The following PIP5K1B variants were observed in gnomAD, a reference collection of about 807,000 sequenced individuals.
PIP5K1B encodes the protein phosphatidylinositol 4-phosphate 5-kinase type-1 beta.
PIP5K1B carries 42 observed loss-of-function variants against 67.0 expected under a neutral mutation model. The ratio of observed to expected loss-of-function variants is 0.63; its 90% CI spans 0.49 to 0.81. The LOEUF (loss-of-function observed/expected upper bound fraction) is 0.81. Among genes scored for constraint, PIP5K1B ranks in the 30% least tolerant of loss-of-function variants. The probability of loss-of-function intolerance (pLI) is 0.00; values close to 1 mark genes in which losing one functional copy is unlikely to be tolerated. For missense variants in PIP5K1B, 459 were observed against 646.3 expected (o/e 0.71, Z 3.14); for synonymous variants, 214 against 231.4 (o/e 0.92, Z 0.68).
At chr9:68,890,063 C>A (rs1189727708) in intron 7 of PIP5K1B, among the ~76,000 whole-genome samples, 1 of 152,136 alleles carries the variant, frequency 6.6e-6, no homozygotes, top group Admixed American at 6.5e-5. Context: ...TGGAGAGCTG[C>A]AGAGCTGGGG....
intron 4 of PIP5K1B, among the ~76,000 whole-genome samples, chr9:68,851,123 A>G (rs774382329): frequency 1.3e-5 from 2 of 152,178 alleles, no homozygotes; most frequent in Non-Finnish European, 2.9e-5. Flanking sequence ...TTCCTTTCCA[A>G]TGAGGGAACA....
At position 68,862,054 on chromosome 9, in the gene PIP5K1B, A is replaced by C. The variant is rs145461136; in HGVS notation, c.70-1783A>C. 4.0e-3 allele frequency among the ~76,000 whole-genome samples: 616 copies of C among 152,336 alleles called. 1 individual carries two copies. Among genetic ancestry groups the C allele is most frequent in the Non-Finnish European group, 6.6e-3 (448 of 68,022 alleles). On this transcript the variant is annotated intron_variant, in intron 4 of 15. Transcript: ENST00000265382. ...CTCCTTAAGTGTCAAGGATGTAGAT[A>C]GTCGTCCTCACACTAAAGGTGACAT...
intron 6 of PIP5K1B, among the ~76,000 whole-genome samples, chr9:68,880,818 C>G (rs1036702409): frequency 3.9e-5 from 6 of 152,200 alleles, no homozygotes; most frequent in African/African-American, 1.4e-4. Context: ...ACAGCTGCTG[C>G]CACCCACCTG....
intron 2 of PIP5K1B, among the ~76,000 whole-genome samples, chr9:68,743,207 CTT>C (rs113151542): frequency 6.5e-5 from 9 of 137,576 alleles, no homozygotes; most frequent in East Asian, 2.1e-4. Flanking sequence ...AATACCAAAA[CTT>C]TTTTTTTTTT....
chr9:68,788,412 G>A, intron 2 of PIP5K1B: 1 of 611,326 alleles, frequency 1.6e-6, no homozygotes, highest in Non-Finnish European at 2.9e-6. Context: ...TCCAGAAATA[G>A]CCAGCTGCTG....
chr9:68,856,023 G>A (rs892955692), intron 4 of PIP5K1B, among the ~76,000 whole-genome samples: 9 of 152,126 alleles, frequency 5.9e-5, no homozygotes, highest in South Asian at 4.2e-4. Flanking sequence ...ACAAGGCTGC[G>A]TTCCTTCAGA....
In PIP5K1B at chr9:68,848,590, A is replaced by G. The variant is rs555782736; in HGVS notation, c.70-15247A>G. On this transcript the variant is annotated intron_variant, in intron 4 of 15. Transcript: ENST00000265382. ...AAAGGACTATTTTAAATTTTAAATG[A>G]AAAAGGCTAGAGAAGTGTAAAATTT... 3.9e-5 allele frequency among the ~76,000 whole-genome samples: 6 copies of G among 152,330 alleles called. No homozygotes were observed. In the East Asian group the frequency reaches 1.2e-3, roughly 29 times the overall value.
chr9:68,799,324 A>G (rs1385405501), intron 2 of PIP5K1B, among the ~76,000 whole-genome samples: 1 of 152,238 alleles, frequency 6.6e-6, no homozygotes, highest in Non-Finnish European at 1.5e-5. Flanking sequence ...GTTGTGCAAA[A>G]GAATGAAGTC....
chr9:68,798,345 A>G (rs1832407352), intron 2 of PIP5K1B, among the ~76,000 whole-genome samples: 1 of 152,174 alleles, frequency 6.6e-6, no homozygotes, highest in African/African-American at 2.4e-5. Flanking sequence ...ATTAACTTTC[A>G]CTCTAGTTCC....
At chr9:68,735,160 C>T (rs1001541180) in intron 1 of PIP5K1B, among the ~76,000 whole-genome samples, 3 of 152,006 alleles carry the variant, frequency 2.0e-5, no homozygotes, top group African/African-American at 7.2e-5. Context: ...AGATTTAGAG[C>T]ACTATTACAA....
At chr9:68,823,079 T>C (rs1305345044) in intron 4 of PIP5K1B, among the ~76,000 whole-genome samples, 2 of 152,176 alleles carry the variant, frequency 1.3e-5, no homozygotes, top group African/African-American at 2.4e-5. Flanking sequence ...TCTGACACTT[T>C]AAAGGGCCTG....
chr9:68,793,568 GT>G (rs1224155966), intron 2 of PIP5K1B, among the ~76,000 whole-genome samples: 2 of 152,258 alleles, frequency 1.3e-5, no homozygotes, highest in East Asian at 3.9e-4. Context: ...TAACTGAAAG[GT>G]TTGAGGCCTA....
intron 14 of PIP5K1B, among the ~76,000 whole-genome samples, chr9:68,959,128 G>T (rs2132731494): frequency 6.6e-6 from 1 of 152,224 alleles, no homozygotes; most frequent in East Asian, 1.9e-4. Flanking sequence ...TTTCTGCTTT[G>T]TGAATTCATT....
chr9:68,954,341 A>T (rs1021301133), intron 14 of PIP5K1B, among the ~76,000 whole-genome samples: 1 of 152,018 alleles, frequency 6.6e-6, no homozygotes, highest in African/African-American at 2.4e-5. Context: ...CGTGTCTGCA[A>T]AATTAGATGA....
intron 5 of PIP5K1B, among the ~76,000 whole-genome samples, chr9:68,873,125 A>C (rs930181345): frequency 6.6e-6 from 1 of 151,696 alleles, no homozygotes; most frequent in Non-Finnish European, 1.5e-5. Flanking sequence ...GCTACATCAC[A>C]GTCGTGGATT....
In PIP5K1B at chr9:68,805,007, G is replaced by A. The variant is rs186735366; in HGVS notation, c.-85-13454G>A. On this transcript the variant is annotated intron_variant, in intron 2 of 15. Coordinates refer to ENST00000265382, the MANE Select transcript of PIP5K1B (RefSeq NM_003558.4). ...CCTAACTGGTCCAGAATGCAAGTGC[G>A]TTGGCTGAGGGCTGTGAGGGCACAG... is the stretch of plus-strand genomic sequence containing the variant. 1.3e-4 allele frequency among the ~76,000 whole-genome samples: 20 copies of A among 152,332 alleles called. No homozygotes were observed. In the East Asian group the frequency reaches 1.9e-3, roughly 15 times the overall value.
intron 14 of PIP5K1B, chr9:68,963,226 C>T (rs1228506992): frequency 2.2e-6 from 1 of 456,154 alleles, no homozygotes; most frequent in East Asian, 7.0e-5. Flanking sequence ...GCAAGCAGTC[C>T]TGTGTGTGGC....
chr9:68,810,990 C>T (rs1208335931), intron 2 of PIP5K1B, among the ~76,000 whole-genome samples: 2 of 152,080 alleles, frequency 1.3e-5, no homozygotes, highest in Non-Finnish European at 2.9e-5. Flanking sequence ...TCAGACAACC[C>T]TGGATCAAAT....
chr9:68,730,522 G>T (rs1482942319), intron 1 of PIP5K1B, among the ~76,000 whole-genome samples: 1 of 152,194 alleles, frequency 6.6e-6, no homozygotes, highest in Non-Finnish European at 1.5e-5. Flanking sequence ...GAAACTTTTA[G>T]ATCTGTTATC....
Sources: gnomAD v4.1 joint callset for allele counts (sites outside exome capture counted in the v4.1 genomes callset) on GRCh38, gnomAD v4.1.1 for gene constraint, MANE v1.5 for transcripts, NCBI Gene and HGNC (gene_info 2026-07-23, HGNC 2026-07-21) for gene names.